The following RBFOX2 variants were observed in gnomAD, a reference collection of about 807,000 sequenced individuals.
RBFOX2 encodes RNA binding fox-1 homolog 2.
A neutral mutation model predicts 49.1 loss-of-function variants in RBFOX2; 10 were observed. That is an observed-to-expected ratio of 0.20 (90% CI 0.13 to 0.35). The LOEUF is 0.35. RBFOX2 is among the 10% of genes least tolerant of loss of function. The probability of loss-of-function intolerance (pLI) is 1.00; values close to 1 mark genes in which losing one functional copy is unlikely to be tolerated. For synonymous variants in RBFOX2, 183 were observed against 187.4 expected (o/e 0.98, Z 0.19); for missense variants, 323 against 486.9 (o/e 0.66, Z 3.17).
At chr22:36,017,839 A>G (rs2059100633) in intron 1 of RBFOX2, among the ~76,000 whole-genome samples, 1 of 152,216 alleles carries the variant, frequency 6.6e-6, no homozygotes, top group African/African-American at 2.4e-5. Context: ...ATATCTGAAC[A>G]CAGGAAACTA....
At chr22:35,848,721 A>G (rs1351769338) in intron 1 of RBFOX2, among the ~76,000 whole-genome samples, 1 of 152,268 alleles carries the variant, frequency 6.6e-6, no homozygotes, top group Non-Finnish European at 1.5e-5. Context: ...AAACAAACTA[A>G]AACAAACTGA....
At chr22:35,792,925 G>A (rs1222122653) in intron 2 of RBFOX2, among the ~76,000 whole-genome samples, 1 of 152,178 alleles carries the variant, frequency 6.6e-6, no homozygotes. Flanking sequence ...AGCACTTAAA[G>A]TACTTTTGTT....
intron 1 of RBFOX2, among the ~76,000 whole-genome samples, chr22:35,987,474 C>A (rs1334917739): frequency 1.3e-5 from 2 of 152,170 alleles, no homozygotes; most frequent in African/African-American, 4.8e-5. Flanking sequence ...AAGCAACTAA[C>A]AACTTTTCAA....
intron 2 of RBFOX2, among the ~76,000 whole-genome samples, chr22:35,804,047 A>G (rs1603191022): frequency 6.6e-6 from 1 of 152,338 alleles, no homozygotes; most frequent in South Asian, 2.1e-4. Context: ...TGGGAGGCCG[A>G]GGCAGGCAGA....
chr22:35,761,183 G>T lies in RBFOX2; in HGVS notation c.754+19C>A. ...TCACAACAGTCAAAATCCATGCCAG[G>T]CCAACATAGGCTACTTACTGATTAA... On this transcript the variant is annotated intron_variant, in intron 8 of 11. Transcript: ENST00000405409. 1.2e-6 allele frequency: 2 copies of T among 1,605,646 alleles called. No individual in the cohort carries two copies. The highest frequency in any genetic ancestry group is 1.1e-5 in the South Asian group (1 of 90,858).
intron 1 of RBFOX2, among the ~76,000 whole-genome samples, chr22:35,923,413 G>A (rs1156406814): frequency 1.3e-5 from 2 of 150,944 alleles, no homozygotes; most frequent in African/African-American, 2.4e-5. Flanking sequence ...GTCTTTTGTC[G>A]CCCAGGCTGG....
intron 1 of RBFOX2, among the ~76,000 whole-genome samples, chr22:35,838,269 T>C (rs940630789): frequency 3.3e-5 from 5 of 151,496 alleles, no homozygotes; most frequent in Non-Finnish European, 4.4e-5. Context: ...CTTTTCTTTT[T>C]TTTTTTTTAA....
At chr22:35,786,485 C>G (rs1473018191) in intron 2 of RBFOX2, among the ~76,000 whole-genome samples, 1 of 152,098 alleles carries the variant, frequency 6.6e-6, no homozygotes, top group East Asian at 1.9e-4. Flanking sequence ...GAAACGTACA[C>G]CCATGTAACC....
rs117503591 is a variant in RBFOX2, at chr22:35,870,075, T to C, written c.-33-60071A>G. On this transcript the variant is annotated intron_variant, in intron 1 of 13. Transcript: ENST00000359369. ...TACAGAATGTAAATATGGACTTTTGTGGCAAGGCCCTTTCAAAAGGTTCAA... is the reference window on the plus strand; with the variant it reads ...TACAGAATGTAAATATGGACTTTTGCGGCAAGGCCCTTTCAAAAGGTTCAA... Among the ~76,000 whole-genome samples the C allele has an allele frequency of 2.0e-3, 305 of 152,356 alleles. 12 individuals carry two copies. In the East Asian group the frequency reaches 0.053, roughly 26 times the overall value.
intron 1 of RBFOX2, among the ~76,000 whole-genome samples, chr22:35,990,874 C>T (rs1014792821): frequency 6.6e-6 from 1 of 152,102 alleles, no homozygotes; most frequent in Non-Finnish European, 1.5e-5. Flanking sequence ...GAATTTCACC[C>T]AAGGGTATAG....
intron 1 of RBFOX2, among the ~76,000 whole-genome samples, chr22:35,989,324 A>AT (rs1335005309): frequency 6.6e-6 from 1 of 152,224 alleles, no homozygotes; most frequent in African/African-American, 2.4e-5. Context: ...TGAGGAAGGG[A>AT]TAACAAAAAT....
intron 1 of RBFOX2, among the ~76,000 whole-genome samples, chr22:35,934,385 C>T (rs1192589167): frequency 1.3e-5 from 2 of 152,100 alleles, no homozygotes; most frequent in East Asian, 1.9e-4. Context: ...GATTAACCCA[C>T]GGCCTACTAG....
chr22:35,860,881 T>C (rs2043023608), intron 1 of RBFOX2, among the ~76,000 whole-genome samples: 1 of 152,216 alleles, frequency 6.6e-6, no homozygotes, highest in Non-Finnish European at 1.5e-5. Context: ...TATGACTATC[T>C]TTTCTCTAGG....
intron 1 of RBFOX2, among the ~76,000 whole-genome samples, chr22:35,907,350 G>A (rs1603445090): frequency 1.3e-5 from 2 of 152,196 alleles, no homozygotes; most frequent in Non-Finnish European, 2.9e-5. Context: ...GTAGGGGAGG[G>A]GACACCCCTC....
At chr22:35,900,763 G>T (rs928532927) in intron 1 of RBFOX2, among the ~76,000 whole-genome samples, 1 of 152,100 alleles carries the variant, frequency 6.6e-6, no homozygotes, top group African/African-American at 2.4e-5. Context: ...CCTTAGATTT[G>T]AAGAATCTCA....
At chr22:35,930,498 A>C (rs2052263651) in intron 1 of RBFOX2, among the ~76,000 whole-genome samples, 1 of 152,098 alleles carries the variant, frequency 6.6e-6, no homozygotes, top group African/African-American at 2.4e-5. Context: ...GATTTGACCC[A>C]AAAAATGGCT....
intron 2 of RBFOX2, among the ~76,000 whole-genome samples, chr22:35,792,990 C>T (rs1216863089): frequency 1.3e-5 from 2 of 152,214 alleles, no homozygotes; most frequent in African/African-American, 4.8e-5. Context: ...TCTCAAACTC[C>T]TGGGCTCAAG....
chr22:35,830,485 CG>C (rs1956579497), intron 1 of RBFOX2, among the ~76,000 whole-genome samples: 1 of 152,130 alleles, frequency 6.6e-6, no homozygotes, highest in Admixed American at 6.5e-5. Context: ...TTCTGAGAAA[CG>C]TGTCCTTAAG....
chr22:35,821,952 G>T (rs1954624021), intron 1 of RBFOX2: 2 of 518,662 alleles, frequency 3.9e-6, no homozygotes, highest in Non-Finnish European at 7.7e-6. Flanking sequence ...TCTTTGGATG[G>T]AAAGGACAGA....
Sources: gnomAD v4.1 joint callset for allele counts (sites outside exome capture counted in the v4.1 genomes callset) on GRCh38, gnomAD v4.1.1 for gene constraint, MANE v1.5 for transcripts, NCBI Gene and HGNC (gene_info 2026-07-23, HGNC 2026-07-21) for gene names.